Variants in SCAPER observed in about 807,000 individuals in gnomAD.
The protein encoded by SCAPER is S phase cyclin A-associated protein in the endoplasmic reticulum.
A neutral mutation model predicts 182.2 loss-of-function variants in SCAPER; 98 were observed. The observed-to-expected ratio is 0.54, with a 90% CI of 0.46 to 0.64. The LOEUF is 0.64. Among genes scored for constraint, SCAPER ranks in the 30% least tolerant of loss-of-function variants. SCAPER has a pLI of 0.00. For synonymous variants in SCAPER, 605 were observed against 564.6 expected (o/e 1.07, Z -1.01); for missense variants, 1,432 against 1,690.0 (o/e 0.85, Z 2.68).
intron 23 of SCAPER, among the ~76,000 whole-genome samples, chr15:76,529,574 A>G (rs2043467338): frequency 6.6e-6 from 1 of 152,232 alleles, no homozygotes; most frequent in Admixed American, 6.5e-5. Context: ...AATTTTAAAT[A>G]GCGTGGTAAG....
chr15:76,433,822 G>C (rs1289834354), intron 26 of SCAPER, among the ~76,000 whole-genome samples: 1 of 152,132 alleles, frequency 6.6e-6, no homozygotes, highest in African/African-American at 2.4e-5. Flanking sequence ...ATTTTTAAAA[G>C]GTGGGGGACA....
rs544943870 is a variant in SCAPER at position 76,383,895 on chromosome 15, G to A, written c.3468-2280C>T. On this transcript the variant is annotated intron_variant, in intron 27 of 31. Coordinates refer to ENST00000563290, the MANE Select transcript of SCAPER (RefSeq NM_020843.4). The stretch of plus-strand genomic sequence containing the variant: ...GACTATAATGCAATCTTGTATTGTC[G>A]AGGGGAGATATTTTTGTCTCATAGT... 9.2e-5 allele frequency among the ~76,000 whole-genome samples: 14 copies of A among 152,244 alleles called. No homozygotes were observed. The South Asian group carries it at 2.5e-3, about 27-fold the overall frequency.
chr15:76,700,111 C>T (rs2058858819), intron 20 of SCAPER, among the ~76,000 whole-genome samples: 1 of 152,206 alleles, frequency 6.6e-6, no homozygotes, highest in Non-Finnish European at 1.5e-5. Flanking sequence ...GAAGGCATGG[C>T]CAGGCAAGGA....
chr15:76,767,147 C>A, intron 10 of SCAPER, 59 bp from the exon 11 acceptor site: 2 of 1,416,182 alleles, frequency 1.4e-6, no homozygotes, highest in South Asian at 2.6e-5. Context: ...GGAAAGTAAT[C>A]ATTTTTTATG....
At chr15:76,428,019 G>C (rs531007624) in intron 26 of SCAPER, among the ~76,000 whole-genome samples, 61 of 152,082 alleles carry the variant, frequency 4.0e-4, no homozygotes, top group African/African-American at 1.3e-3. Flanking sequence ...AGGATTGCTT[G>C]ACCCTGGGGG....
intron 21 of SCAPER, among the ~76,000 whole-genome samples, chr15:76,637,442 T>C (rs1347117784): frequency 6.6e-6 from 1 of 152,010 alleles, no homozygotes; most frequent in East Asian, 1.9e-4. Flanking sequence ...CTGGGTGCAG[T>C]GGCTCACCAC....
At chr15:76,573,633 G>C (rs2047609501) in intron 23 of SCAPER, among the ~76,000 whole-genome samples, 1 of 151,996 alleles carries the variant, frequency 6.6e-6, no homozygotes, top group Non-Finnish European at 1.5e-5. Context: ...TGCTATTACA[G>C]GAAGTTTTAT....
chr15:76,390,241 C>A (rs2043594850), intron 27 of SCAPER, among the ~76,000 whole-genome samples: 1 of 152,190 alleles, frequency 6.6e-6, no homozygotes, highest in Non-Finnish European at 1.5e-5. Flanking sequence ...AGCCGTGAGC[C>A]ACTGTGCCTG....
At chr15:76,857,771 T>C (rs1374465781) in intron 4 of SCAPER, 38 bp downstream of exon 4, 1 of 1,250,288 alleles carries the variant, frequency 8.0e-7, no homozygotes, top group Non-Finnish European at 1.1e-6. Context: ...GAAATTGAAA[T>C]TAAAAGTAAA....
intron 15 of SCAPER, among the ~76,000 whole-genome samples, chr15:76,741,408 A>G (rs1026596185): frequency 1.3e-5 from 2 of 152,152 alleles, no homozygotes; most frequent in Non-Finnish European, 2.9e-5. Context: ...ATGGATTTAT[A>G]CTTAGGCTTG....
chr15:76,774,488 C>A (rs2063634016), intron 9 of SCAPER: 1 of 312,690 alleles, frequency 3.2e-6, no homozygotes. Context: ...ATATCAAATT[C>A]TCCAAATTTT....
chr15:76,452,899 T>G (rs1234153579), intron 25 of SCAPER, among the ~76,000 whole-genome samples: 1 of 152,204 alleles, frequency 6.6e-6, no homozygotes, highest in African/African-American at 2.4e-5. Context: ...GGTGCAATTA[T>G]AGCCTACTGC....
chr15:76,635,018 G>C (rs902995541), intron 21 of SCAPER, among the ~76,000 whole-genome samples: 2 of 152,068 alleles, frequency 1.3e-5, no homozygotes, highest in African/African-American at 4.8e-5. Flanking sequence ...TATGTTTCTG[G>C]TCACAAAATC....
chr15:76,766,941 T>A lies in SCAPER; in HGVS notation c.1396A>T (p.Thr466Ser). The change falls in exon 11 of 32, where the codon ACT (threonine) becomes TCT (serine). Residue 466 changes from threonine (T) to serine (S), a missense_variant. Physicochemically the swap from Thr to Ser is moderately conservative, Grantham distance 58. Around this residue, in one of 5 missense-constraint regions of SCAPER, gnomAD observed 128 missense variants for 149.9 expected, o/e 0.85. Coordinates refer to ENST00000563290, the MANE Select transcript of SCAPER (RefSeq NM_020843.4). ...AEENNDINIE[T>S]DNDSDFSASM... ...ACAGAAAAATCACTGTCGTTGTCAG[T>A]TTCAATGTTAATATCATTGTTTTCT... 12 of 1,603,512 alleles carry A rather than the reference T, an allele frequency of 7.5e-6. No homozygotes were observed. Among genetic ancestry groups the A allele is most frequent in the Non-Finnish European group, 1.0e-5 (12 of 1,177,252 alleles).
intron 22 of SCAPER, among the ~76,000 whole-genome samples, chr15:76,603,637 A>C (rs994153558): frequency 8.2e-6 from 1 of 121,816 alleles, no homozygotes; most frequent in African/African-American, 2.5e-5. Flanking sequence ...ACTAGTTTGC[A>C]GTCCCACTCA....
intron 23 of SCAPER, among the ~76,000 whole-genome samples, chr15:76,518,322 C>T (rs1654697075): frequency 6.6e-6 from 1 of 152,178 alleles, no homozygotes; most frequent in African/African-American, 2.4e-5. Context: ...GATACTGCTT[C>T]AGGCTTTAGA....
chr15:76,887,626 A>T (rs1323326021), intron 1 of SCAPER, among the ~76,000 whole-genome samples: 3 of 152,204 alleles, frequency 2.0e-5, no homozygotes, highest in Non-Finnish European at 4.4e-5. Flanking sequence ...CTGAGGCATG[A>T]GTAGGTAAAC....
intron 25 of SCAPER, among the ~76,000 whole-genome samples, chr15:76,466,639 G>A (rs1290103745): frequency 6.6e-6 from 1 of 150,978 alleles, no homozygotes; most frequent in African/African-American, 2.4e-5. Context: ...CGTCTCGAAA[G>A]CTTTGTTGGG....
intron 23 of SCAPER, among the ~76,000 whole-genome samples, chr15:76,571,039 T>C (rs553494423): frequency 1.3e-5 from 2 of 152,092 alleles, no homozygotes; most frequent in African/African-American, 4.8e-5. Flanking sequence ...GAAAGGAAAA[T>C]CGGAAAAATC....
Sources: allele counts gnomAD v4.1 joint callset (sites outside exome capture counted in the v4.1 genomes callset), GRCh38; gene constraint gnomAD v4.1.1; regional missense constraint gnomAD v4.1.1; transcripts MANE v1.5; gene names NCBI Gene and HGNC (gene_info 2026-07-23, HGNC 2026-07-21).